The following DMD variants were observed in gnomAD, a reference collection of about 807,000 sequenced individuals.
DMD encodes the protein dystrophin.
Under a neutral mutation model 330.1 loss-of-function variants are expected in DMD, and 63 were observed. The ratio of observed to expected loss-of-function variants is 0.19; its 90% CI spans 0.16 to 0.24. The LOEUF (loss-of-function observed/expected upper bound fraction) is 0.24. Among genes scored for constraint, DMD ranks in the 10% least tolerant of loss-of-function variants. DMD has a pLI of 1.00. For missense variants in DMD, 3,344 were observed against 2,684.1 expected, an observed-to-expected ratio of 1.25 and a Z score of -5.43; for synonymous variants, 1,223 against 959.8, an observed-to-expected ratio of 1.27 and a Z score of -5.07.
In DMD at chrX:32,042,096, T is replaced by C. The variant is rs1603622913; in HGVS notation, c.6439-73582A>G. On this transcript the variant is annotated intron_variant, in intron 44 of 78. Transcript: ENST00000357033. The stretch of plus-strand genomic sequence containing the variant: ...ACATATATACACACACACATATGTA[T>C]ACATATATACATACATATACACACA... Among the ~76,000 whole-genome samples the C allele has an allele frequency of 1.2e-4, 11 of 92,560 alleles. No homozygotes were observed. The South Asian group carries it at 1.6e-3, about 14-fold the overall frequency. 80.4% of individuals were successfully genotyped at this position (92,560 alleles called of 115,157 possible).
chrX:31,554,171 G>A (rs2074663098), intron 55 of DMD, among the ~76,000 whole-genome samples: 2 of 112,094 alleles, frequency 1.8e-5, no homozygotes, highest in South Asian at 7.4e-4. Flanking sequence ...TAGAAGAGCT[G>A]GCTGTTAATT....
chrX:31,565,327 C>G (rs2075409495), intron 55 of DMD, among the ~76,000 whole-genome samples: 1 of 111,429 alleles, frequency 9.0e-6, no homozygotes, highest in Non-Finnish European at 1.9e-5. Flanking sequence ...CTTGCAATCA[C>G]CAATCTGTTC....
At chrX:32,227,431 G>A (rs1304160367) in intron 43 of DMD, among the ~76,000 whole-genome samples, 2 of 105,341 alleles carry the variant, frequency 1.9e-5, no homozygotes, top group Non-Finnish European at 3.9e-5. Flanking sequence ...GGAACTGGTG[G>A]TCATCTTAAG....
intron 10 of DMD, 96 bp from the exon 11 acceptor site, chrX:32,644,409 A>G: frequency 1.1e-6 from 1 of 910,125 alleles, no homozygotes; most frequent in East Asian, 3.1e-5. Flanking sequence ...CTTGTGGCCC[A>G]TTTAGATTTA....
At chrX:33,059,371 T>A (rs1046294509) in intron 1 of DMD, among the ~76,000 whole-genome samples, 5 of 101,742 alleles carry the variant, frequency 4.9e-5, no homozygotes, top group African/African-American at 1.7e-4. Context: ...TCTATCTCTC[T>A]CTGTCTCACT....
intron 48 of DMD, among the ~76,000 whole-genome samples, chrX:31,839,441 G>A (rs934745173): frequency 8.9e-6 from 1 of 111,758 alleles, no homozygotes; most frequent in African/African-American, 3.3e-5. Context: ...AGAGACATTT[G>A]TTCACGCAGA....
chrX:32,323,002 G>T (rs1321014069), intron 41 of DMD, among the ~76,000 whole-genome samples: 1 of 112,105 alleles, frequency 8.9e-6, no homozygotes, highest in South Asian at 3.7e-4. Context: ...AGTACAGTTG[G>T]CCCTCTGTAT....
intron 2 of DMD, among the ~76,000 whole-genome samples, chrX:32,899,251 C>T (rs2086005603): frequency 8.9e-6 from 1 of 112,294 alleles, no homozygotes; most frequent in South Asian, 3.7e-4. Flanking sequence ...TATTTCCATT[C>T]CCTTTCAGGT....
chrX:31,348,478 T>A (rs1329516693), intron 61 of DMD, 78 bp downstream of exon 61: 2 of 868,459 alleles, frequency 2.3e-6, no homozygotes, highest in Non-Finnish European at 3.3e-6. Context: ...CAACTCTTAA[T>A]TCTTTTGTTT....
At chrX:32,105,652 A>C (rs1300047244) in intron 44 of DMD, among the ~76,000 whole-genome samples, 1 of 111,972 alleles carries the variant, frequency 8.9e-6, no homozygotes, top group Non-Finnish European at 1.9e-5. Context: ...GATCTCTTCA[A>C]ATTTAACTGT....
intron 1 of DMD, among the ~76,000 whole-genome samples, chrX:33,230,999 T>G (rs1462291052): frequency 9.0e-6 from 1 of 111,484 alleles, no homozygotes; most frequent in African/African-American, 3.3e-5. Flanking sequence ...TCAGGCACCT[T>G]GGTACTTCAT....
At chrX:32,310,045 A>G (rs376046213) in intron 42 of DMD, 37 bp downstream of exon 42, 2 of 1,139,351 alleles carry the variant, frequency 1.8e-6, no homozygotes, top group Non-Finnish European at 2.4e-6. Context: ...CAGTATGATC[A>G]CCTTGTAAAA....
intron 1 of DMD, among the ~76,000 whole-genome samples, chrX:33,322,985 A>G (rs1409492169): frequency 9.0e-6 from 1 of 111,079 alleles, no homozygotes; most frequent in Non-Finnish European, 1.9e-5. Context: ...CATTATCCTT[A>G]CCACAGTGCT....
At chrX:31,556,573 C>G (rs1418397753) in intron 55 of DMD, among the ~76,000 whole-genome samples, 1 of 106,016 alleles carries the variant, frequency 9.4e-6, no homozygotes, top group African/African-American at 3.4e-5. Context: ...ATTTGTGAGG[C>G]CACATCCAGA....
chrX:33,288,263 A>G (rs1201827411), intron 1 of DMD, among the ~76,000 whole-genome samples: 2 of 111,600 alleles, frequency 1.8e-5, no homozygotes, highest in Non-Finnish European at 3.8e-5. Context: ...CTTTAGTGTC[A>G]TGGGTGCCAT....
intron 63 of DMD, among the ~76,000 whole-genome samples, chrX:31,224,699 A>G (rs776111775): frequency 6.2e-5 from 7 of 112,548 alleles, no homozygotes; most frequent in African/African-American, 2.3e-4. Flanking sequence ...ATGAATATCC[A>G]TAGCAGCTTT....
intron 47 of DMD, among the ~76,000 whole-genome samples, chrX:31,876,982 T>C (rs1157165402): frequency 9.0e-6 from 1 of 111,424 alleles, no homozygotes; most frequent in Non-Finnish European, 1.9e-5. Flanking sequence ...AATATACCAG[T>C]GTGTCACATA....
intron 44 of DMD, among the ~76,000 whole-genome samples, chrX:32,122,808 TG>T (rs2096642590): frequency 1.8e-5 from 2 of 111,359 alleles, no homozygotes; most frequent in Admixed American, 9.6e-5. Flanking sequence ...CAGACTTCAG[TG>T]GTAGTTTTTA....
At chrX:31,321,290 G>A (rs1237551400) in intron 62 of DMD, among the ~76,000 whole-genome samples, 1 of 110,619 alleles carries the variant, frequency 9.0e-6, no homozygotes, top group Non-Finnish European at 1.9e-5. Flanking sequence ...TTATAAATTA[G>A]AAACCAAGGT....
Sources: allele counts gnomAD v4.1 joint callset (sites outside exome capture counted in the v4.1 genomes callset), GRCh38; gene constraint gnomAD v4.1.1; transcripts MANE v1.5; gene names NCBI Gene and HGNC (gene_info 2026-07-23, HGNC 2026-07-21).